Variants in AGBL4 observed in about 807,000 individuals in gnomAD.
The protein encoded by AGBL4 is cytosolic carboxypeptidase 6.
In AGBL4, 58 loss-of-function variants were observed where a neutral mutation model predicts 66.4. The observed-to-expected ratio is 0.87, with a 90% CI of 0.71 to 1.09. The LOEUF is 1.09. AGBL4 is among the 50% of genes least tolerant of loss of function. The probability of loss-of-function intolerance (pLI) is 0.00; values close to 1 mark genes in which losing one functional copy is unlikely to be tolerated. For missense variants in AGBL4, 579 were observed against 631.0 expected (o/e 0.92, Z 0.88); for synonymous variants, 234 against 222.9 (o/e 1.05, Z -0.44).
At chr1:48,865,353 G>C (rs1647941202) in intron 6 of AGBL4, among the ~76,000 whole-genome samples, 1 of 152,132 alleles carries the variant, frequency 6.6e-6, no homozygotes, top group African/African-American at 2.4e-5. Flanking sequence ...TACCACCTAG[G>C]GGGCTTCAGT....
At chr1:49,462,336 T>A (rs532283238) in intron 3 of AGBL4, among the ~76,000 whole-genome samples, 25 of 151,828 alleles carry the variant, frequency 1.6e-4, no homozygotes, top group Admixed American at 1.6e-3. Context: ...AGCACCATCT[T>A]AATATAACTT....
intron 3 of AGBL4, among the ~76,000 whole-genome samples, chr1:49,445,754 C>T (rs540188042): frequency 2.0e-5 from 3 of 152,190 alleles, no homozygotes; most frequent in African/African-American, 7.2e-5. Flanking sequence ...ATTTCCCATT[C>T]ATATCCTGAA....
chr1:49,141,196 A>C (rs981375328), intron 4 of AGBL4, among the ~76,000 whole-genome samples: 3 of 152,216 alleles, frequency 2.0e-5, no homozygotes, highest in Admixed American at 1.3e-4. Flanking sequence ...AAATATCCTT[A>C]AATATAAATA....
chr1:49,619,283 A>T (rs867817629), intron 3 of AGBL4, among the ~76,000 whole-genome samples: 1 of 152,190 alleles, frequency 6.6e-6, no homozygotes, highest in African/African-American at 2.4e-5. Flanking sequence ...TCAGGATACA[A>T]AACCAATGTG....
At chr1:49,749,674 C>A (rs1381180021) in intron 2 of AGBL4, among the ~76,000 whole-genome samples, 4 of 152,058 alleles carry the variant, frequency 2.6e-5, no homozygotes, top group Non-Finnish European at 4.4e-5. Context: ...CAAAAAAACA[C>A]AGGATACCTA....
At chr1:49,000,456 C>G (rs527910687) in intron 5 of AGBL4, among the ~76,000 whole-genome samples, 2 of 152,276 alleles carry the variant, frequency 1.3e-5, no homozygotes, top group South Asian at 4.1e-4. Context: ...CCTCCAGCCT[C>G]CAGCATACCT....
intron 1 of AGBL4, among the ~76,000 whole-genome samples, chr1:49,946,992 T>A (rs1655267198): frequency 6.6e-6 from 1 of 151,552 alleles, no homozygotes; most frequent in Admixed American, 6.6e-5. Context: ...TACAACCCTC[T>A]TAGCTTAAAT....
chr1:48,659,561 A>C (rs1218120013), intron 7 of AGBL4, among the ~76,000 whole-genome samples: 2 of 152,248 alleles, frequency 1.3e-5, no homozygotes, highest in Non-Finnish European at 2.9e-5. Context: ...GAAAGAACAT[A>C]CACTTGACCA....
chr1:49,063,757 T>C (rs761364792), intron 4 of AGBL4, among the ~76,000 whole-genome samples: 3 of 152,170 alleles, frequency 2.0e-5, no homozygotes, highest in Non-Finnish European at 4.4e-5. Context: ...TGAGGTAACA[T>C]TTGAATAAAG....
intron 3 of AGBL4, among the ~76,000 whole-genome samples, chr1:49,325,680 AG>A (rs1645215360): frequency 1.3e-5 from 2 of 152,352 alleles, no homozygotes; most frequent in South Asian, 4.1e-4. Context: ...AACTTGATAT[AG>A]TTTGGATCTG....
At chr1:49,302,890 C>G (rs1644780990) in intron 3 of AGBL4, among the ~76,000 whole-genome samples, 1 of 151,890 alleles carries the variant, frequency 6.6e-6, no homozygotes, top group African/African-American at 2.4e-5. Flanking sequence ...GTTCAGCTCT[C>G]ACTTATAAGT....
chr1:49,559,177 G>A (rs1310136364), intron 3 of AGBL4, among the ~76,000 whole-genome samples: 5 of 152,148 alleles, frequency 3.3e-5, no homozygotes, highest in Non-Finnish European at 5.9e-5. Context: ...TGGTAACCAT[G>A]CAGGTTTTTG....
intron 5 of AGBL4, among the ~76,000 whole-genome samples, chr1:48,946,055 A>G (rs1447321654): frequency 2.0e-5 from 3 of 152,172 alleles, no homozygotes; most frequent in African/African-American, 7.2e-5. Context: ...TCCACCCACG[A>G]GGAACACCAT....
intron 3 of AGBL4, among the ~76,000 whole-genome samples, chr1:49,395,902 T>C (rs1200549578): frequency 6.8e-6 from 1 of 146,214 alleles, no homozygotes; most frequent in African/African-American, 2.5e-5. Flanking sequence ...TCAGTGGTCC[T>C]CCCCAAGCAT....
At chr1:49,890,962 T>C (rs566910937) in intron 1 of AGBL4, among the ~76,000 whole-genome samples, 2 of 152,260 alleles carry the variant, frequency 1.3e-5, no homozygotes, top group South Asian at 4.2e-4. Context: ...AAATGACAGG[T>C]AGTAAAATGT....
At chr1:49,456,749 G>A (rs1057472167) in intron 3 of AGBL4, among the ~76,000 whole-genome samples, 45 of 151,350 alleles carry the variant, frequency 3.0e-4, no homozygotes, top group Admixed American at 4.0e-4. Context: ...TCTGAGCCCC[G>A]AAGTCCATTG....
chr1:48,774,507 T>A (rs1644984144), intron 6 of AGBL4, among the ~76,000 whole-genome samples: 1 of 152,166 alleles, frequency 6.6e-6, no homozygotes, highest in Non-Finnish European at 1.5e-5. Flanking sequence ...AGAAAAAAAC[T>A]GAAGAGAGGT....
chr1:49,358,628 A>T (rs1228252346), intron 3 of AGBL4, among the ~76,000 whole-genome samples: 2 of 152,120 alleles, frequency 1.3e-5, no homozygotes, highest in African/African-American at 2.4e-5. Context: ...AGTTCGTTTG[A>T]TTATTGGTTA....
chr1:48,794,266 A>G (rs80188178), intron 6 of AGBL4, among the ~76,000 whole-genome samples: 5,500 of 152,150 alleles, frequency 0.036, 333 homozygotes, highest in African/African-American at 0.12. Flanking sequence ...TCCAGGCCCT[A>G]TGCTCTCCCA....
Sources: allele counts gnomAD v4.1 joint callset (sites outside exome capture counted in the v4.1 genomes callset), GRCh38; gene constraint gnomAD v4.1.1; transcripts MANE v1.5; gene names NCBI Gene and HGNC (gene_info 2026-07-23, HGNC 2026-07-21).